Variants in AKAP6 observed in about 807,000 individuals in gnomAD.
AKAP6 encodes A-kinase anchoring protein 6, also known as A-kinase anchor protein 6.
Under a neutral mutation model 188.5 loss-of-function variants are expected in AKAP6, and 58 were observed. The observed-to-expected ratio is 0.31, with a 90% CI of 0.25 to 0.38. The LOEUF (loss-of-function observed/expected upper bound fraction) is 0.38. Among genes scored for constraint, AKAP6 ranks in the 10% least tolerant of loss-of-function variants. The pLI is 1.00. For synonymous variants in AKAP6, 989 were observed against 998.6 expected (o/e 0.99, Z 0.18); for missense variants, 2,710 against 2,740.0 (o/e 0.99, Z 0.24).
Position 32,546,861 on chromosome 14 carries a change from T to G in AKAP6, c.2208T>G (p.Tyr736Ter). The change falls in exon 4 of 14, where the codon TAT (tyrosine) becomes TAG (stop). Residue 736 changes from tyrosine (Y) to a stop codon, truncating the protein, a stop_gained. Transcript: ENST00000280979. LOFTEE classifies it high-confidence loss of function. ...TGCCTCTCGCTGGCATGAAAAAGTA[T>G]GCTGATGAGAAGTCAGAAAGAGCTT... Reference protein sequence around the residue: ...SSMPLAGMKKYADEKSERASS... With the variant: ...SSMPLAGMKK The G allele has an allele frequency of 6.2e-7, 1 of 1,614,098 alleles. No homozygotes were observed. Among genetic ancestry groups the G allele is most frequent in the Non-Finnish European group, 8.5e-7 (1 of 1,180,010 alleles).
intron 12 of AKAP6, among the ~76,000 whole-genome samples, chr14:32,787,869 C>G (rs989737100): frequency 6.6e-6 from 1 of 151,648 alleles, no homozygotes; most frequent in Non-Finnish European, 1.5e-5. Flanking sequence ...ACATAGAGAT[C>G]TATATGCCCT....
At chr14:32,491,624 C>T (rs978660715) in intron 2 of AKAP6, among the ~76,000 whole-genome samples, 2 of 152,222 alleles carry the variant, frequency 1.3e-5, no homozygotes, top group Non-Finnish European at 2.9e-5. Context: ...CACATGACAA[C>T]CTCTCTGGAC....
chr14:32,378,163 A>C (rs1330725775), intron 1 of AKAP6, among the ~76,000 whole-genome samples: 1 of 145,058 alleles, frequency 6.9e-6, no homozygotes, highest in African/African-American at 2.5e-5. Flanking sequence ...TGGTATGACA[A>C]AACCTAATTG....
At chr14:32,570,436 C>T (rs1207286685) in intron 4 of AKAP6, among the ~76,000 whole-genome samples, 2 of 152,010 alleles carry the variant, frequency 1.3e-5, no homozygotes, top group South Asian at 4.1e-4. Flanking sequence ...GCCACTGCGC[C>T]TGGCCCGTGT....
chr14:32,645,636 C>T (rs562849209), intron 7 of AKAP6, among the ~76,000 whole-genome samples: 90 of 152,070 alleles, frequency 5.9e-4, no homozygotes, highest in Non-Finnish European at 1.1e-3. Context: ...GGAACTTACT[C>T]CTGTATTGAT....
intron 1 of AKAP6, among the ~76,000 whole-genome samples, chr14:32,368,379 C>A (rs1323784938): frequency 6.6e-6 from 1 of 152,124 alleles, no homozygotes; most frequent in Non-Finnish European, 1.5e-5. Context: ...GATCACAGAA[C>A]AAACAGACTA....
At chr14:32,613,273 G>C (rs992260276) in intron 7 of AKAP6, among the ~76,000 whole-genome samples, 1 of 152,170 alleles carries the variant, frequency 6.6e-6, no homozygotes, top group South Asian at 2.1e-4. Flanking sequence ...GATAGATGAC[G>C]AGCAAATACG....
intron 12 of AKAP6, among the ~76,000 whole-genome samples, chr14:32,792,083 A>T (rs976441264): frequency 3.9e-5 from 6 of 152,150 alleles, no homozygotes; most frequent in African/African-American, 1.2e-4. Flanking sequence ...CTTTTTGCTT[A>T]GGATTGTCTG....
Position 32,545,776 on chromosome 14 carries a change from G to A in AKAP6, c.1123G>A (p.Asp375Asn), listed in dbSNP as rs377340179. 1.2e-6 allele frequency: 2 copies of A among 1,614,080 alleles called. No homozygotes were observed. Among genetic ancestry groups the A allele is most frequent in the African/African-American group, 2.7e-5 (2 of 74,920 alleles). The change falls in exon 4 of 14, where the codon GAT (aspartate) becomes AAT (asparagine). Residue 375 changes from aspartate to asparagine, a missense_variant. By Grantham distance (23) the Asp-to-Asn change is conservative. This residue lies in a region of AKAP6 where 2,473 missense variants were observed against 2,426.1 expected (regional missense o/e 1.02). Transcript: ENST00000280979. ...ENATPKRTIR[D>N]CFNYNEDSPT... ...TGCAACCCCCAAACGAACCATCAGA[G>A]ATTGCTTTAATTATAACGAGGACTC...
intron 7 of AKAP6, among the ~76,000 whole-genome samples, chr14:32,657,175 G>A (rs1482495919): frequency 1.3e-5 from 2 of 152,084 alleles, no homozygotes; most frequent in East Asian, 1.9e-4. Context: ...AGGGAAAAAG[G>A]TCAAGAAAAT....
At chr14:32,351,808 A>G (rs1420634641) in intron 1 of AKAP6, among the ~76,000 whole-genome samples, 1 of 152,160 alleles carries the variant, frequency 6.6e-6, no homozygotes, top group Non-Finnish European at 1.5e-5. Context: ...TATAAAATTT[A>G]AAAGCATTCC....
rs745924021 is a variant in AKAP6 at position 32,773,663 on chromosome 14, C to A, written c.3373-15C>A. On this transcript the variant is annotated splice_polypyrimidine_tract_variant and intron_variant, in intron 11 of 13. Transcript: ENST00000280979. ...CCTATAAACACTCATAGATTGGTTT[C>A]TCTCTATGTTGCAGTCCCTCTGTCG... The A allele has an allele frequency of 6.2e-7, 1 of 1,609,264 alleles. No individual in the cohort carries two copies. The highest frequency in any genetic ancestry group is 1.1e-5 in the South Asian group (1 of 90,650).
intron 4 of AKAP6, among the ~76,000 whole-genome samples, chr14:32,560,867 T>C (rs149801211): frequency 1.3e-5 from 2 of 152,332 alleles, no homozygotes; most frequent in African/African-American, 4.8e-5. Flanking sequence ...AACAAAACTT[T>C]GTTATTTCTT....
At chr14:32,553,464 G>A (rs955068733) in intron 4 of AKAP6, among the ~76,000 whole-genome samples, 2 of 152,018 alleles carry the variant, frequency 1.3e-5, no homozygotes, top group Non-Finnish European at 2.9e-5. Flanking sequence ...GAGCCACCGC[G>A]CCTGGCCAAG....
At chr14:32,648,622 G>A (rs1295263885) in intron 7 of AKAP6, among the ~76,000 whole-genome samples, 1 of 152,132 alleles carries the variant, frequency 6.6e-6, no homozygotes, top group Non-Finnish European at 1.5e-5. Context: ...AAGCACCCAG[G>A]CATGCTGAAG....
intron 2 of AKAP6, among the ~76,000 whole-genome samples, chr14:32,523,187 GAA>G (rs1881940741): frequency 7.3e-6 from 1 of 136,062 alleles, no homozygotes; most frequent in African/African-American, 2.6e-5. Context: ...TGGGGTGGGG[GAA>G]GGGGGGGAGG....
chr14:32,750,836 C>G (rs35623538), intron 11 of AKAP6, among the ~76,000 whole-genome samples: 92,153 of 149,170 alleles, frequency 0.62, 31,656 homozygotes, highest in Non-Finnish European at 0.76. Context: ...CCGGGTTCAC[C>G]CCATTCTCCT....
chr14:32,823,272 A>G lies in AKAP6; in HGVS notation c.5459A>G (p.Asn1820Ser). The G allele has an allele frequency of 6.2e-7, 1 of 1,613,840 alleles. No individual in the cohort carries two copies. Among genetic ancestry groups the G allele is most frequent in the Non-Finnish European group, 8.5e-7 (1 of 1,179,910 alleles). Residue 1820 changes from asparagine (N) to serine (S), a missense_variant, in exon 13 of 14, where the codon AAT (asparagine) becomes AGT (serine). By Grantham distance (46) the Asn-to-Ser change is conservative. Coordinates refer to ENST00000280979, the MANE Select transcript of AKAP6 (RefSeq NM_004274.5). ...LSLTRDKKRC[N>S]VSDEMKGSKD... ...TTGACAAGAGATAAGAAAAGGTGCA[A>G]TGTCAGTGATGAGATGAAGGGCAGT...
chr14:32,464,287 AC>A (rs1341284873), intron 2 of AKAP6, among the ~76,000 whole-genome samples: 1 of 152,200 alleles, frequency 6.6e-6, no homozygotes, highest in Non-Finnish European at 1.5e-5. Flanking sequence ...CAGGGACACA[AC>A]AAAAAAAGAG....
Sources: allele counts gnomAD v4.1 joint callset (sites outside exome capture counted in the v4.1 genomes callset), GRCh38; gene constraint gnomAD v4.1.1; regional missense constraint gnomAD v4.1.1; transcripts MANE v1.5; gene names NCBI Gene and HGNC (gene_info 2026-07-23, HGNC 2026-07-21).